The following PAXIP1 variants were observed in gnomAD, a reference collection of about 807,000 sequenced individuals.
The protein encoded by PAXIP1 is PAX-interacting protein 1.
Under a neutral mutation model 140.6 loss-of-function variants are expected in PAXIP1, and 19 were observed. The observed-to-expected ratio is 0.14, with a 90% CI of 0.09 to 0.20. PAXIP1 has a LOEUF of 0.20. PAXIP1 is among the 10% of genes least tolerant of loss of function. The pLI is 1.00. For missense variants in PAXIP1, 920 were observed against 1,208.6 expected (o/e 0.76, Z 3.54); for synonymous variants, 442 against 444.6 (o/e 0.99, Z 0.07).
Position 154,991,074 on chromosome 7 carries a change from T to A in PAXIP1, c.261-5A>T. On this transcript the variant is annotated splice_region_variant and splice_polypyrimidine_tract_variant and intron_variant, in intron 3 of 20. Coordinates refer to ENST00000404141, the MANE Select transcript of PAXIP1 (RefSeq NM_007349.4). ...TCTGGAGAAAAACCATTTACTCTGT[T>A]TTATAGTTATTAAGATTACAATGAA... 1 of 1,457,332 alleles carries A rather than the reference T, an allele frequency of 6.9e-7. No individual in the cohort carries two copies. The highest frequency in any genetic ancestry group is 9.3e-7 in the Non-Finnish European group (1 of 1,071,598). 90.3% of individuals were successfully genotyped at this position (1,457,332 alleles called of 1,614,324 possible).
intron 4 of PAXIP1, among the ~76,000 whole-genome samples, chr7:154,990,364 T>C (rs1810273884): frequency 6.6e-6 from 1 of 152,148 alleles, no homozygotes; most frequent in South Asian, 2.1e-4. Flanking sequence ...TTTCTAAACA[T>C]AAAAGAAATG....
intron 5 of PAXIP1, among the ~76,000 whole-genome samples, chr7:154,979,549 A>T (rs1489313454): frequency 2.0e-5 from 3 of 152,052 alleles, no homozygotes; most frequent in Admixed American, 2.0e-4. Flanking sequence ...ATAAAAATTA[A>T]GTCTTTTTAA....
At chr7:154,966,685 C>A (rs1428903046) in intron 8 of PAXIP1, among the ~76,000 whole-genome samples, 1 of 152,230 alleles carries the variant, frequency 6.6e-6, no homozygotes, top group African/African-American at 2.4e-5. Context: ...TCCTTCCTCA[C>A]CCTGGCACAT....
chr7:154,982,362 G>GT (rs1161906151), intron 5 of PAXIP1, among the ~76,000 whole-genome samples: 6 of 151,930 alleles, frequency 3.9e-5, no homozygotes, highest in Non-Finnish European at 8.8e-5. Flanking sequence ...ATTTCTTTTT[G>GT]TTTTTTTGAG....
In PAXIP1 at chr7:154,946,395, C is replaced by G; in HGVS notation, c.3164G>C (p.Gly1055Ala). Residue 1055 changes from glycine to alanine, a missense_variant, in exon 20 of 21, where the codon GGA becomes GCA. This residue lies in a region of PAXIP1 where 303 missense variants were observed against 517.9 expected (regional missense o/e 0.59). Coordinates refer to ENST00000404141, the MANE Select transcript of PAXIP1 (RefSeq NM_007349.4). The surrounding 1 kb of genome is among the most constrained non-coding windows in gnomAD (Gnocchi z 4.9). ...DVHNAEFVLT[G>A]VLTQTLDYES... ...ATAGTCCAGCGTTTGAGTGAGCACT[C>G]CAGTCAGAACGAACTCTGCATTGTG... 1 of 1,613,914 alleles carries G rather than the reference C, an allele frequency of 6.2e-7. No individual in the cohort carries two copies. The highest frequency in any genetic ancestry group is 8.5e-7 in the Non-Finnish European group (1 of 1,179,852).
intron 2 of PAXIP1, among the ~76,000 whole-genome samples, chr7:154,997,751 T>C (rs780495605): frequency 2.0e-5 from 3 of 152,214 alleles, no homozygotes; most frequent in Non-Finnish European, 4.4e-5. Flanking sequence ...ATAGGTCAAG[T>C]TGGATACACC....
At position 154,973,021 on chromosome 7, in the gene PAXIP1, G is replaced by C. The variant is rs1020756056; in HGVS notation, c.1074+2675C>G. Among the ~76,000 whole-genome samples, 1 of 152,256 alleles carries C rather than the reference G, an allele frequency of 6.6e-6. No individual in the cohort carries two copies. Among genetic ancestry groups the C allele is most frequent in the Non-Finnish European group, 1.5e-5 (1 of 68,054 alleles). On this transcript the variant is annotated intron_variant, in intron 6 of 20. Transcript: ENST00000404141. The surrounding 1 kb of genome is among the most constrained non-coding windows in gnomAD (Gnocchi z 4.0). ...TATCCCGCCCACCTGCCTGGACGCG[G>C]ATGTGCAGGGACCAGGGCCGGCACC...
intron 11 of PAXIP1, 28 bp from the exon 12 acceptor site, chr7:154,961,105 T>C: frequency 6.9e-7 from 1 of 1,457,508 alleles, no homozygotes; most frequent in Non-Finnish European, 9.2e-7. Flanking sequence ...AGAAAACATA[T>C]TTATTAAATG....
chr7:154,961,860 A>G (rs1441573053), intron 10 of PAXIP1, among the ~76,000 whole-genome samples: 1 of 152,212 alleles, frequency 6.6e-6, no homozygotes, highest in African/African-American at 2.4e-5. Flanking sequence ...GGAGGAAGAA[A>G]AAGAATGAAC....
At chr7:154,951,739 A>G (rs1277845166) in intron 16 of PAXIP1, 1 of 152,252 alleles carries the variant, frequency 6.6e-6, no homozygotes, top group African/African-American at 2.4e-5. Context: ...CTGAAACTTG[A>G]AAAATTAAGT....
intron 13 of PAXIP1, 122 bp from the exon 14 acceptor site, chr7:154,957,416 TCAC>T (rs1808563622): frequency 1.9e-6 from 1 of 531,298 alleles, no homozygotes; most frequent in Admixed American, 3.5e-5. Flanking sequence ...ATGTTCTTCT[TCAC>T]CACATCAGAA....
At chr7:154,998,554 T>C (rs570902153) in intron 2 of PAXIP1, 96 bp downstream of exon 2, 21 of 714,688 alleles carry the variant, frequency 2.9e-5, no homozygotes, top group Non-Finnish European at 4.2e-5. Flanking sequence ...AACAGGACTT[T>C]AGCAAAAACC....
Position 154,953,725 on chromosome 7 carries a change from T to C in PAXIP1, c.2821+530A>G, listed in dbSNP as rs117013012. Among the ~76,000 whole-genome samples the C allele has an allele frequency of 1.8e-4, 27 of 152,338 alleles. No individual in the cohort carries two copies. In the East Asian group the frequency reaches 4.8e-3, roughly 27 times the overall value. On this transcript the variant is annotated intron_variant, in intron 16 of 20. Coordinates refer to ENST00000404141, the MANE Select transcript of PAXIP1 (RefSeq NM_007349.4). ...TACCTAGCAAGGTTCTAAAAACATT[T>C]AGGTGTGTATCAATCTAAGAAAAAA...
rs1264492495 is a variant in PAXIP1, at chr7:154,946,413, G to C, written c.3146C>G (p.Ala1049Gly). 2.5e-6 allele frequency: 4 copies of C among 1,613,582 alleles called. No individual in the cohort carries two copies. In the African/African-American group the frequency reaches 5.3e-5, roughly 22 times the overall value. The change falls in exon 20 of 21, where the codon GCA (alanine) becomes GGA (glycine). Residue 1049 changes from alanine (A) to glycine (G), a missense_variant. Around this residue, in one of 5 missense-constraint regions of PAXIP1, gnomAD observed 303 missense variants for 517.9 expected, o/e 0.59. Coordinates refer to ENST00000404141, the MANE Select transcript of PAXIP1 (RefSeq NM_007349.4). This position sits in a 1 kb window ranked among gnomAD's most constrained non-coding sequence, Gnocchi z 4.9. ...GAGCACTCCAGTCAGAACGAACTCT[G>C]CATTGTGAACATCTGAACAGGGTGG... is the stretch of plus-strand genomic sequence containing the variant. Reference protein sequence around the residue: ...YFARGIDVHNAEFVLTGVLTQ... With the variant: ...YFARGIDVHNGEFVLTGVLTQ...
chr7:154,977,280 A>G (rs1377384363), intron 5 of PAXIP1, among the ~76,000 whole-genome samples: 3 of 152,248 alleles, frequency 2.0e-5, no homozygotes, highest in Admixed American at 6.5e-5. Context: ...CTTAAAATAA[A>G]TGAGTTGTAA....
chr7:154,993,695 T>G, intron 3 of PAXIP1, 31 bp downstream of exon 3: 1 of 1,547,280 alleles, frequency 6.5e-7, no homozygotes, highest in Non-Finnish European at 8.8e-7. Context: ...AGTTACCCTT[T>G]CCCTCCTCCC....
chr7:154,947,916 G>C lies in PAXIP1; in HGVS notation c.2909C>G (p.Ser970Cys). ...CTTAAAGTGTACCTTAAAGAGTGGAGAAACGTGTGCCCGTTTTAAGGATTC... is the reference window on the plus strand; with the variant it reads ...CTTAAAGTGTACCTTAAAGAGTGGACAAACGTGTGCCCGTTTTAAGGATTC... ...LEESLKRAHV[S>C]PLFKAKYFYI... is the part of the protein sequence containing the mutation. Residue 970 changes from serine to cysteine, a missense_variant, in exon 17 of 21, where the codon TCT becomes TGT. This residue lies in a region of PAXIP1 where 303 missense variants were observed against 517.9 expected (regional missense o/e 0.59). Transcript: ENST00000404141. The C allele has an allele frequency of 6.2e-7, 1 of 1,606,734 alleles. No homozygotes were observed. The highest frequency in any genetic ancestry group is 8.5e-7 in the Non-Finnish European group (1 of 1,173,220).
In PAXIP1 at chr7:154,948,013, A is replaced by G. The variant is rs1175611217; in HGVS notation, c.2822-10T>C. 8.9e-6 allele frequency: 14 copies of G among 1,573,862 alleles called. No individual in the cohort carries two copies. Among genetic ancestry groups the G allele is most frequent in the Non-Finnish European group, 1.1e-5 (13 of 1,143,522 alleles). On this transcript the variant is annotated splice_polypyrimidine_tract_variant and intron_variant, in intron 16 of 20. Transcript: ENST00000404141. Reference sequence around the variant, plus strand: ...ATGTAGTTCTGCTCATCTGGAAAACAGAACAGCACATACTCTGAAAAGTGT... The same window carrying G: ...ATGTAGTTCTGCTCATCTGGAAAACGGAACAGCACATACTCTGAAAAGTGT...
rs146378991 is a variant in PAXIP1, at chr7:154,996,069, C to A, written c.217-2300G>T. 4.0e-3 allele frequency among the ~76,000 whole-genome samples: 614 copies of A among 152,314 alleles called. 3 individuals carry two copies. Among genetic ancestry groups the A allele is most frequent in the South Asian group, 0.02 (98 of 4,824 alleles). On this transcript the variant is annotated intron_variant, in intron 2 of 20. Transcript: ENST00000404141. ...TAAAATGCATTGTCAAACTTCCTAT[C>A]AAGGTAAAGGCCAAGGGATATGCCT...
Sources: gnomAD v4.1 joint callset for allele counts (sites outside exome capture counted in the v4.1 genomes callset) on GRCh38, gnomAD v4.1.1 for gene constraint, gnomAD v4.1.1 regional missense constraint, Gnocchi (gnomAD v3.1) non-coding constraint, MANE v1.5 for transcripts, NCBI Gene and HGNC (gene_info 2026-07-23, HGNC 2026-07-21) for gene names.